The following BORCS5 variants were observed in gnomAD, a reference collection of about 807,000 sequenced individuals.
BORCS5 encodes BLOC-1-related complex subunit 5.
BORCS5 carries 17 observed loss-of-function variants against 22.1 expected under a neutral mutation model. That is an observed-to-expected ratio of 0.77 (90% confidence interval 0.53 to 1.15). BORCS5 has a LOEUF of 1.15. Ranked by LOEUF, BORCS5 falls within the 50% of genes most tolerant of loss-of-function variation. The probability of loss-of-function intolerance (pLI) is 0.00; values close to 1 mark genes in which losing one functional copy is unlikely to be tolerated. For synonymous variants in BORCS5, 117 were observed against 99.8 expected (o/e 1.17, Z -1.03); for missense variants, 247 against 253.2 (o/e 0.98, Z 0.17).
At chr12:12,422,181 A>G (rs1341372443) in intron 2 of BORCS5, among the ~76,000 whole-genome samples, 1 of 152,052 alleles carries the variant, frequency 6.6e-6, no homozygotes, top group African/African-American at 2.4e-5. Flanking sequence ...GTGGGCATTT[A>G]GTGCTTATGC....
intron 3 of BORCS5, among the ~76,000 whole-genome samples, chr12:12,461,346 AT>A (rs1169889935): frequency 6.7e-6 from 1 of 149,628 alleles, no homozygotes; most frequent in Non-Finnish European, 1.5e-5. Context: ...TTTTTATTTT[AT>A]TTTTTGTAGA....
intron 2 of BORCS5, among the ~76,000 whole-genome samples, chr12:12,411,305 TTTTCAAAGGG>T (rs1941725767): frequency 6.6e-6 from 1 of 152,178 alleles, no homozygotes; most frequent in South Asian, 2.1e-4. Context: ...CTTGTGCCCG[TTTTCAAAGGG>T]AATGCTTCCA....
At chr12:12,414,930 C>G (rs1334919361) in intron 2 of BORCS5, among the ~76,000 whole-genome samples, 1 of 141,022 alleles carries the variant, frequency 7.1e-6, no homozygotes, top group Non-Finnish European at 1.6e-5. Context: ...GGCAGAGGTG[C>G]TCCCCACATC....
intron 2 of BORCS5, among the ~76,000 whole-genome samples, chr12:12,405,510 TTTTAC>T (rs1214956969): frequency 6.6e-6 from 1 of 152,178 alleles, no homozygotes; most frequent in East Asian, 1.9e-4. Flanking sequence ...TGATGATTAT[TTTTAC>T]TTTACTTACT....
chr12:12,371,533 A>G lies in BORCS5; in HGVS notation c.202+10184A>G, dbSNP rs1251226721. On this transcript the variant is annotated intron_variant, in intron 2 of 3. Coordinates refer to ENST00000314565, the MANE Select transcript of BORCS5 (RefSeq NM_058169.6). The stretch of plus-strand genomic sequence containing the variant: ...AGTCTCAAACTCCTGGGCACAAGCG[A>G]TCCACCTGCCTCAGCCTCCCAAAGT... Among the ~76,000 whole-genome samples the G allele has an allele frequency of 7.2e-5, 11 of 152,228 alleles. No individual in the cohort carries two copies. In the East Asian group the frequency reaches 1.9e-3, roughly 27 times the overall value.
At chr12:12,423,174 T>G (rs1279204365) in intron 2 of BORCS5, among the ~76,000 whole-genome samples, 1 of 151,706 alleles carries the variant, frequency 6.6e-6, no homozygotes, top group Non-Finnish European at 1.5e-5. Flanking sequence ...GCTAATTTTT[T>G]TGTATTTTTA....
chr12:12,417,469 T>G (rs79667406), intron 2 of BORCS5, among the ~76,000 whole-genome samples: 143 of 152,300 alleles, frequency 9.4e-4, no homozygotes, highest in African/African-American at 3.3e-3. Context: ...GTCTGTGAAG[T>G]TGAGTCAGTT....
intron 2 of BORCS5, among the ~76,000 whole-genome samples, chr12:12,414,833 C>T (rs1353231551): frequency 4.2e-5 from 6 of 142,274 alleles, no homozygotes; most frequent in African/African-American, 1.1e-4. Context: ...ACTTCTCAGA[C>T]GGGGCGGCCG....
chr12:12,402,749 C>T (rs1355743496), intron 2 of BORCS5, among the ~76,000 whole-genome samples: 1 of 152,160 alleles, frequency 6.6e-6, no homozygotes, highest in African/African-American at 2.4e-5. Context: ...ACAAAAGTCT[C>T]CCTAAAAATA....
rs1943234023 is a variant in BORCS5 at position 12,468,258 on chromosome 12, A to G, written c.*2482A>G. On this transcript the variant is annotated 3_prime_UTR_variant, in exon 4 of 4. Transcript: ENST00000314565. ...TTTCTGATGGAACCTCTGACTGGTA[A>G]CATGGCATTACCAGTCCTTTCCCTC... 2 of 152,192 alleles carry G rather than the reference A, an allele frequency of 1.3e-5. No homozygotes were observed. 9.4% of individuals were successfully genotyped at this position (152,192 alleles called of 1,614,324 possible). A position where few individuals can be genotyped will look rare whatever the true frequency, so the allele number is the denominator to read the frequency against.
intron 2 of BORCS5, among the ~76,000 whole-genome samples, chr12:12,374,003 T>C (rs1482138359): frequency 6.8e-6 from 1 of 147,566 alleles, no homozygotes; most frequent in Admixed American, 6.7e-5. Flanking sequence ...TTTTTTTTTT[T>C]TTGAGACGGA....
intron 3 of BORCS5, among the ~76,000 whole-genome samples, chr12:12,463,908 T>G (rs1943154089): frequency 6.6e-6 from 1 of 152,082 alleles, no homozygotes; most frequent in Admixed American, 6.5e-5. Context: ...TCTAGTCTGG[T>G]AGGGTTGCGG....
At position 12,357,297 on chromosome 12, in the gene BORCS5, G is replaced by A; in HGVS notation, c.-155G>A. 1 of 1,455,988 alleles carries A rather than the reference G, an allele frequency of 6.9e-7. No individual in the cohort carries two copies. The highest frequency in any genetic ancestry group is 2.5e-5 in the East Asian group (1 of 39,908). 90.2% of individuals were successfully genotyped at this position (1,455,988 alleles called of 1,614,324 possible). On this transcript the variant is annotated 5_prime_UTR_variant, in exon 1 of 4. Coordinates refer to ENST00000314565, the MANE Select transcript of BORCS5 (RefSeq NM_058169.6). ...TCTCCCGCCGCCCAGGCCCCTGCGT[G>A]GGCTGGACGCGTCAGCCCCACACAT...
At chr12:12,398,924 C>T (rs1193113709) in intron 2 of BORCS5, among the ~76,000 whole-genome samples, 8 of 152,226 alleles carry the variant, frequency 5.3e-5, no homozygotes, top group East Asian at 3.9e-4. Flanking sequence ...GTGGGAGAGA[C>T]GGTTGGGGTG....
At chr12:12,359,818 C>G (rs368770506) in intron 1 of BORCS5, among the ~76,000 whole-genome samples, 1 of 151,990 alleles carries the variant, frequency 6.6e-6, no homozygotes, top group South Asian at 2.1e-4. Context: ...ACTCCAGTGT[C>G]GCAGAGATGG....
chr12:12,450,064 C>A (rs1328142968), intron 3 of BORCS5, among the ~76,000 whole-genome samples: 1 of 152,222 alleles, frequency 6.6e-6, no homozygotes, highest in Non-Finnish European at 1.5e-5. Context: ...AGTTTTCACA[C>A]ACAGTTATAA....
chr12:12,434,843 T>C (rs536263300), intron 2 of BORCS5, among the ~76,000 whole-genome samples: 2 of 152,324 alleles, frequency 1.3e-5, no homozygotes, highest in East Asian at 3.9e-4. Context: ...TTTGAGAGTG[T>C]AGAGGTTCTG....
chr12:12,401,816 T>G (rs1941483333), intron 2 of BORCS5, among the ~76,000 whole-genome samples: 1 of 152,042 alleles, frequency 6.6e-6, no homozygotes, highest in African/African-American at 2.4e-5. Context: ...CCCAGCACTT[T>G]GGGAGGCCAA....
At chr12:12,458,400 G>A (rs1459621877) in intron 3 of BORCS5, among the ~76,000 whole-genome samples, 1 of 152,026 alleles carries the variant, frequency 6.6e-6, no homozygotes, top group Non-Finnish European at 1.5e-5. Flanking sequence ...TTTTCTTAAT[G>A]TTGAATTATA....
Sources: gnomAD v4.1 joint callset for allele counts (sites outside exome capture counted in the v4.1 genomes callset) on GRCh38, gnomAD v4.1.1 for gene constraint, MANE v1.5 for transcripts, NCBI Gene and HGNC (gene_info 2026-07-23, HGNC 2026-07-21) for gene names.